KCNJ12: variants seen among roughly 807,000 people sequenced by gnomAD.
KCNJ12 encodes ATP-sensitive inward rectifier potassium channel 12.
In KCNJ12, 2 loss-of-function variants were observed where a neutral mutation model predicts 22.3. That is an observed-to-expected ratio of 0.09 (90% CI 0.04 to 0.28). The LOEUF (loss-of-function observed/expected upper bound fraction) is 0.28, where lower values mean the gene tolerates loss of function less well. Ranked by LOEUF, KCNJ12 falls within the 10% of genes least tolerant of loss-of-function variation. The pLI is 1.00. For missense variants in KCNJ12, 155 were observed against 633.3 expected (o/e 0.24, Z 8.11); for synonymous variants, 117 against 261.4 (o/e 0.45, Z 5.33).
intron 1 of KCNJ12, among the ~76,000 whole-genome samples, chr17:21,388,738 T>C (rs546064430): frequency 4.6e-5 from 7 of 152,332 alleles, no homozygotes; most frequent in Admixed American, 3.9e-4. Context: ...TCTCACTGAA[T>C]TCTCAAAATG....
intron 1 of KCNJ12, among the ~76,000 whole-genome samples, chr17:21,397,375 C>G (rs1016546443): frequency 6.6e-6 from 1 of 152,210 alleles, no homozygotes. Context: ...GAGATCGCTG[C>G]CGTGTGGGGC....
intron 1 of KCNJ12, among the ~76,000 whole-genome samples, chr17:21,401,098 C>T (rs1184659659): frequency 2.0e-5 from 3 of 152,302 alleles, no homozygotes; most frequent in Non-Finnish European, 2.9e-5. Context: ...TGCGGCAGGA[C>T]CTCCGGGAAC....
chr17:21,376,584 TG>T lies in KCNJ12; in HGVS notation c.-507del, dbSNP rs1904659030. ...GGGCGTAGGGGAGCGCGCCGGGCCC[TG>T]CCCGAGATCAGATAACAGCCGGCGG... On this transcript the variant is annotated 5_prime_UTR_variant, in exon 1 of 3. Transcript: ENST00000583088. The surrounding 1 kb of genome is among the most constrained non-coding windows in gnomAD (Gnocchi z 5.3). 6.6e-6 allele frequency: 1 copy of T among 150,468 alleles called. No homozygotes were observed. The highest frequency in any genetic ancestry group is 2.1e-4 in the South Asian group (1 of 4,736). The allele number at this position is 150,468 out of a possible 1,614,324, so 9.3% of individuals were successfully genotyped here.
intron 1 of KCNJ12, among the ~76,000 whole-genome samples, chr17:21,388,650 C>G (rs1316414269): frequency 2.0e-5 from 3 of 150,444 alleles, no homozygotes; most frequent in Non-Finnish European, 4.4e-5. Context: ...CTTGGCACCC[C>G]AAAACAATAA....
At chr17:21,410,983 G>C (rs1906305309) in intron 2 of KCNJ12, among the ~76,000 whole-genome samples, 1 of 152,310 alleles carries the variant, frequency 6.6e-6, no homozygotes, top group Non-Finnish European at 1.5e-5. Context: ...CCAGCTAGCT[G>C]AACAGTCTCT....
At chr17:21,405,624 C>A (rs1905883239) in intron 1 of KCNJ12, among the ~76,000 whole-genome samples, 1 of 152,294 alleles carries the variant, frequency 6.6e-6, no homozygotes, top group Non-Finnish European at 1.5e-5. Context: ...GCCCTGCCCT[C>A]CCCTGCGGGA....
chr17:21,404,661 G>C (rs35336014), intron 1 of KCNJ12, among the ~76,000 whole-genome samples: 3 of 122,364 alleles, frequency 2.5e-5, no homozygotes, highest in Non-Finnish European at 5.4e-5. Context: ...CCCAGGGATG[G>C]GGCAGTGTCT....
intron 1 of KCNJ12, among the ~76,000 whole-genome samples, chr17:21,396,349 A>G (rs1253091757): frequency 6.6e-6 from 1 of 152,130 alleles, no homozygotes; most frequent in East Asian, 1.9e-4. Flanking sequence ...AGCTCGCCGC[A>G]AAGCCCTGCT....
At position 21,416,706 on chromosome 17, in the gene KCNJ12, G is replaced by C. The variant is rs1250950210; in HGVS notation, c.*62G>C. On this transcript the variant is annotated 3_prime_UTR_variant, in exon 3 of 3. Transcript: ENST00000583088. The stretch of plus-strand genomic sequence containing the variant: ...TGGGGAGAGGCCCCGCGGTCGCTCA[G>C]GGGCCCCGGGTTTGAGCAGAACGGG... 2 of 1,496,098 alleles carry C rather than the reference G, an allele frequency of 1.3e-6. No individual in the cohort carries two copies. Among genetic ancestry groups the C allele is most frequent in the Non-Finnish European group, 1.8e-6 (2 of 1,125,114 alleles). The allele number at this position is 1,496,098 out of a possible 1,614,324, so 92.7% of individuals were successfully genotyped here. A position where few individuals can be genotyped will look rare whatever the true frequency, so the allele number is the denominator to read the frequency against.
At chr17:21,382,448 C>G (rs191529118) in intron 1 of KCNJ12, among the ~76,000 whole-genome samples, 15 of 152,288 alleles carry the variant, frequency 9.8e-5, no homozygotes, top group Non-Finnish European at 1.5e-4. Flanking sequence ...AGACTCCCCA[C>G]GGTCATTGAG....
chr17:21,403,520 CAAATT>C lies in KCNJ12; in HGVS notation c.-178-4996_-178-4992del, dbSNP rs1292027463. 2.6e-5 allele frequency among the ~76,000 whole-genome samples: 4 copies of C among 152,132 alleles called. No homozygotes were observed. The East Asian group carries it at 7.7e-4, about 29-fold the overall frequency. On this transcript the variant is annotated intron_variant, in intron 1 of 2. Transcript: ENST00000583088. ...GGCTGCTCAGGACATGTCTGAGACT[CAAATT>C]AAGTTGAAGCTGGAAAATTTACAGC...
chr17:21,415,075 TGAG>T (rs1485636751), intron 2 of KCNJ12, among the ~76,000 whole-genome samples: 9 of 152,298 alleles, frequency 5.9e-5, no homozygotes, highest in Admixed American at 5.9e-4. Context: ...GGTGTGGAGC[TGAG>T]GTTTTTGGCT....
chr17:21,414,126 G>T (rs1333098142), intron 2 of KCNJ12, among the ~76,000 whole-genome samples: 1 of 152,312 alleles, frequency 6.6e-6, no homozygotes, highest in Non-Finnish European at 1.5e-5. Context: ...CCAGCTTGGG[G>T]TGTTCAAAGT....
chr17:21,386,171 G>T (rs11871440), intron 1 of KCNJ12, among the ~76,000 whole-genome samples: 3,116 of 152,366 alleles, frequency 0.02, 103 homozygotes, highest in African/African-American at 0.069. Flanking sequence ...ACCGGTGTCT[G>T]CAGGGCTGGT....
chr17:21,406,448 T>C (rs1189284576), intron 1 of KCNJ12, among the ~76,000 whole-genome samples: 1 of 152,306 alleles, frequency 6.6e-6, no homozygotes, highest in African/African-American at 2.4e-5. Context: ...TGTGTCCCCA[T>C]CAGTTTTGAG....
At chr17:21,412,713 G>C (rs1218757230) in intron 2 of KCNJ12, among the ~76,000 whole-genome samples, 2 of 152,310 alleles carry the variant, frequency 1.3e-5, no homozygotes, top group African/African-American at 4.8e-5. Flanking sequence ...CAGCTCCTCA[G>C]CGTCATGGTG....
chr17:21,394,127 G>A (rs562882969), intron 1 of KCNJ12, among the ~76,000 whole-genome samples: 15 of 151,890 alleles, frequency 9.9e-5, no homozygotes, highest in East Asian at 5.8e-4. Context: ...ATCTCGTCAC[G>A]TGTCAATGAC....
chr17:21,389,469 C>T (rs1237918648), intron 1 of KCNJ12, among the ~76,000 whole-genome samples: 1 of 152,232 alleles, frequency 6.6e-6, no homozygotes, highest in Non-Finnish European at 1.5e-5. Context: ...TCAGGCTTCC[C>T]ACGAATCTGT....
At chr17:21,395,962 G>A (rs1355201536) in intron 1 of KCNJ12, among the ~76,000 whole-genome samples, 1 of 152,182 alleles carries the variant, frequency 6.6e-6, no homozygotes, top group Non-Finnish European at 1.5e-5. Flanking sequence ...TGTGGCTCAG[G>A]CATGGCCTGC....
Sources: allele counts gnomAD v4.1 joint callset (sites outside exome capture counted in the v4.1 genomes callset), GRCh38; gene constraint gnomAD v4.1.1; non-coding constraint Gnocchi (gnomAD v3.1); transcripts MANE v1.5; gene names NCBI Gene and HGNC (gene_info 2026-07-23, HGNC 2026-07-21).